The following KCTD15 variants were observed in gnomAD, a reference collection of about 807,000 sequenced individuals.
KCTD15 encodes the protein potassium channel tetramerization domain containing 15, also known as BTB/POZ domain-containing protein KCTD15.
In KCTD15, 11 loss-of-function variants were observed where a neutral mutation model predicts 27.2. The observed-to-expected ratio is 0.41, with a 90% CI of 0.25 to 0.67. KCTD15 has a LOEUF of 0.67. KCTD15 is among the 30% of genes least tolerant of loss of function. The pLI, the probability that KCTD15 is intolerant of heterozygous loss-of-function variation, is 0.35. For missense variants in KCTD15, 350 were observed against 409.3 expected (o/e 0.86, Z 1.25); for synonymous variants, 163 against 176.0 (o/e 0.93, Z 0.58).
At chr19:33,805,706 G>C (rs1975689136) in intron 4 of KCTD15, among the ~76,000 whole-genome samples, 1 of 152,200 alleles carries the variant, frequency 6.6e-6, no homozygotes, top group Non-Finnish European at 1.5e-5. Flanking sequence ...TGCCCTTGGG[G>C]AAATGATGCC....
chr19:33,811,191 T>TC, intron 5 of KCTD15, 56 bp from the exon 6 acceptor site: 1 of 615,000 alleles, frequency 1.6e-6, no homozygotes, highest in South Asian at 1.9e-5. Context: ...CTCTCCCCCT[T>TC]CCCCCACCAC....
intron 6 of KCTD15, 118 bp downstream of exon 6, chr19:33,811,670 C>T: frequency 6.6e-7 from 1 of 1,513,736 alleles, no homozygotes; most frequent in Middle Eastern, 1.8e-4. Flanking sequence ...CCCGTGCCAT[C>T]CTACAAAAAA....
intron 4 of KCTD15, among the ~76,000 whole-genome samples, chr19:33,802,134 G>A (rs368207649): frequency 1.3e-5 from 2 of 152,148 alleles, no homozygotes; most frequent in South Asian, 2.1e-4. Context: ...TGCTTTCCCC[G>A]TTGGCACGGC....
intron 5 of KCTD15, among the ~76,000 whole-genome samples, chr19:33,810,699 G>A (rs71351744): frequency 0.023 from 3,431 of 148,308 alleles, 42 homozygotes; most frequent in African/African-American, 0.032. Flanking sequence ...AAAAAAAAAC[G>A]AAAAAAAAAC....
chr19:33,797,139 G>A (rs1466521026), intron 1 of KCTD15, among the ~76,000 whole-genome samples, 152 bp downstream of exon 1: 2 of 151,994 alleles, frequency 1.3e-5, no homozygotes, highest in African/African-American at 4.8e-5. Context: ...GCGGCGCGGG[G>A]GTGCCCAGCA....
chr19:33,795,149 T>C (rs565652726), upstream of KCTD15, among the ~76,000 whole-genome samples: 15 of 152,386 alleles, frequency 9.8e-5, no homozygotes, highest in East Asian at 2.9e-3. Flanking sequence ...ATTTACAACA[T>C]CTTCTGCATA....
chr19:33,798,029 A>C (rs1456011024), intron 1 of KCTD15, among the ~76,000 whole-genome samples: 3 of 151,878 alleles, frequency 2.0e-5, no homozygotes, highest in African/African-American at 7.3e-5. Context: ...GCCTTGGCCC[A>C]AGCCCTCTCC....
At position 33,815,072 on chromosome 19, in the gene KCTD15, G is replaced by A. The variant is rs983047905; in HGVS notation, c.*2124G>A. The A allele has an allele frequency of 6.6e-6, 1 of 152,192 alleles. No homozygotes were observed. The highest frequency in any genetic ancestry group is 1.5e-5 in the Non-Finnish European group (1 of 68,034). 9.4% of individuals were successfully genotyped at this position (152,192 alleles called of 1,614,324 possible). ...GCAGGAAGTCTTGTGAAAACAGCTC[G>A]CTGCTGTGTATGTTTATGGATTTTT... On this transcript the variant is annotated 3_prime_UTR_variant, in exon 7 of 7. Transcript: ENST00000683859.
Position 33,811,312 on chromosome 19 carries a change from G to T in KCTD15, c.453G>T (p.Glu151Asp). The change falls in exon 6 of 7, where the codon GAG becomes GAT. Residue 151 changes from glutamate (E) to aspartate (D), a missense_variant. By Grantham distance (45) the Glu-to-Asp change is conservative. Transcript: ENST00000683859. ...TCCAGCCCATGGTGCGCGAGCTGGA[G>T]CGCTGGCAGCAGGAGCAGGAGCAGC... ...YQLQPMVREL[E>D]RWQQEQEQRR... 6.4e-7 allele frequency: 1 copy of T among 1,550,454 alleles called. No individual in the cohort carries two copies. Among genetic ancestry groups the T allele is most frequent in the Non-Finnish European group, 8.7e-7 (1 of 1,147,164 alleles).
chr19:33,807,262 G>T (rs532443251), intron 5 of KCTD15, among the ~76,000 whole-genome samples: 1 of 152,244 alleles, frequency 6.6e-6, no homozygotes, highest in Non-Finnish European at 1.5e-5. Flanking sequence ...GGATGGGCGC[G>T]TGCCAGCGTT....
At chr19:33,806,646 G>A (rs1332024921) in intron 4 of KCTD15, among the ~76,000 whole-genome samples, 3 of 152,114 alleles carry the variant, frequency 2.0e-5, no homozygotes, top group Non-Finnish European at 4.4e-5. Context: ...TGTGACTTGC[G>A]GGTGTAGGCA....
At position 33,811,428 on chromosome 19, in the gene KCTD15, T is replaced by C; in HGVS notation, c.569T>C (p.Ile190Thr). 6.2e-7 allele frequency: 1 copy of C among 1,612,136 alleles called. No individual in the cohort carries two copies. The highest frequency in any genetic ancestry group is 8.5e-7 in the Non-Finnish European group (1 of 1,179,504). The change falls in exon 6 of 7, where the codon ATC becomes ACC. Residue 190 changes from isoleucine to threonine, a missense_variant. By Grantham distance (89) the Ile-to-Thr change is moderately conservative. Around this residue, in one of 3 missense-constraint regions of KCTD15, gnomAD observed 219 missense variants for 234.9 expected, o/e 0.93. Transcript: ENST00000683859. ...GCACTCAGCGGCGAGAAGGCCCTCA[T>C]CGAGGAGGTCTTCCCCGAGACCGGA... ...RIALSGEKAL[I>T]EEVFPETGDV...
At chr19:33,797,263 TG>T in intron 1 of KCTD15, 1 of 282,912 alleles carries the variant, frequency 3.5e-6, no homozygotes, top group East Asian at 9.2e-5. Flanking sequence ...TGTGTGTGTG[TG>T]TGTGTGTGTG....
chr19:33,801,993 C>T (rs937293039), intron 4 of KCTD15, among the ~76,000 whole-genome samples: 1 of 152,188 alleles, frequency 6.6e-6, no homozygotes, highest in Non-Finnish European at 1.5e-5. Flanking sequence ...GTTGGGGGCT[C>T]ACAGGCACCC....
upstream of KCTD15, chr19:33,795,939 G>A (rs1445898747): frequency 6.6e-6 from 1 of 152,072 alleles, no homozygotes; most frequent in African/African-American, 2.4e-5. Flanking sequence ...CAGCGGGGCA[G>A]AGACCCTGGG....
At chr19:33,795,778 G>T (rs1975301391), upstream of KCTD15, among the ~76,000 whole-genome samples, 1 of 151,646 alleles carries the variant, frequency 6.6e-6, no homozygotes, top group Admixed American at 6.6e-5. Flanking sequence ...CGCGGACCTC[G>T]GCCGCGGGGA....
At chr19:33,796,222 C>G (rs1430032775), upstream of KCTD15, 1 of 150,774 alleles carries the variant, frequency 6.6e-6, no homozygotes, top group Non-Finnish European at 1.5e-5. Flanking sequence ...CTCTCCCCCG[C>G]CCCCTCCCCG....
Position 33,813,556 on chromosome 19 carries a change from G to GACA in KCTD15, c.*608_*609insACA. On this transcript the variant is annotated 3_prime_UTR_variant, in exon 7 of 7. Coordinates refer to ENST00000683859, the MANE Select transcript of KCTD15 (RefSeq NM_001129994.2). ...ACAGATGCAGGGATGTGTGCTGCAG[G>GACA]GCTGCTGGGAGGAGAGTGGTGGGGG... The GACA allele has an allele frequency of 2.7e-6, 1 of 365,894 alleles. No individual in the cohort carries two copies. The highest frequency in any genetic ancestry group is 2.0e-5 in the South Asian group (1 of 48,910). The allele number at this position is 365,894 out of a possible 1,614,324, so 22.7% of individuals were successfully genotyped here.
chr19:33,802,086 T>C (rs1975574321), intron 4 of KCTD15, among the ~76,000 whole-genome samples: 1 of 152,172 alleles, frequency 6.6e-6, no homozygotes, highest in East Asian at 1.9e-4. Context: ...GCTCTCCTGC[T>C]CTTCCTTGCA....
Sources: allele counts gnomAD v4.1 joint callset (sites outside exome capture counted in the v4.1 genomes callset), GRCh38; gene constraint gnomAD v4.1.1; regional missense constraint gnomAD v4.1.1; transcripts MANE v1.5; gene names NCBI Gene and HGNC (gene_info 2026-07-23, HGNC 2026-07-21).